NELL1: variants seen among roughly 807,000 people sequenced by gnomAD.
NELL1 encodes the protein protein kinase C-binding protein NELL1.
In NELL1, 76 loss-of-function variants were observed where a neutral mutation model predicts 107.4. That is an observed-to-expected ratio of 0.71 (90% CI 0.59 to 0.86). The LOEUF is 0.86. Among genes scored for constraint, NELL1 ranks in the 40% least tolerant of loss-of-function variants. The pLI, the probability that NELL1 is intolerant of heterozygous loss-of-function variation, is 0.00. For synonymous variants in NELL1, 353 were observed against 341.2 expected (o/e 1.03, Z -0.38); for missense variants, 1,024 against 1,005.5 (o/e 1.02, Z -0.25).
chr11:20,779,369 C>T (rs942539723), intron 2 of NELL1, among the ~76,000 whole-genome samples: 8 of 152,328 alleles, frequency 5.3e-5, no homozygotes, highest in South Asian at 4.1e-4. Flanking sequence ...TTATGTTCCA[C>T]GTATTCAATC....
chr11:21,338,855 A>G (rs1033316391), intron 14 of NELL1, among the ~76,000 whole-genome samples: 3 of 152,306 alleles, frequency 2.0e-5, no homozygotes, highest in South Asian at 4.1e-4. Context: ...TCAGTGATCC[A>G]GGGATGGGCT....
chr11:21,239,031 A>G (rs1365196838), intron 14 of NELL1, among the ~76,000 whole-genome samples: 1 of 152,094 alleles, frequency 6.6e-6, no homozygotes, highest in African/African-American at 2.4e-5. Flanking sequence ...TAAATGAGAT[A>G]ATACACTTAT....
chr11:21,416,287 A>C (rs757124974), intron 15 of NELL1, among the ~76,000 whole-genome samples: 2 of 152,082 alleles, frequency 1.3e-5, no homozygotes, highest in African/African-American at 4.8e-5. Flanking sequence ...GTGCTAAATT[A>C]AATACTACCT....
intron 14 of NELL1, among the ~76,000 whole-genome samples, chr11:21,253,620 C>T (rs75408476): frequency 1.7e-3 from 255 of 152,214 alleles, no homozygotes; most frequent in African/African-American, 5.8e-3. Flanking sequence ...ATTAATCCAA[C>T]TTGTGATACT....
intron 12 of NELL1, among the ~76,000 whole-genome samples, chr11:21,016,474 A>G (rs10500889): frequency 0.058 from 8,754 of 152,046 alleles, 867 homozygotes; most frequent in African/African-American, 0.2. Flanking sequence ...CTCTTTCTCC[A>G]TTCTTACCCA....
chr11:21,493,696 T>A (rs1402719143), intron 15 of NELL1, among the ~76,000 whole-genome samples: 1 of 151,966 alleles, frequency 6.6e-6, no homozygotes, highest in Non-Finnish European at 1.5e-5. Context: ...GCAGATAGGG[T>A]GACTATAGTT....
intron 1 of NELL1, among the ~76,000 whole-genome samples, chr11:20,676,932 C>A (rs1854073534): frequency 6.6e-6 from 1 of 152,114 alleles, no homozygotes; most frequent in South Asian, 2.1e-4. Context: ...TTAAACATAG[C>A]CCCTTAGAGT....
chr11:21,459,308 A>T (rs1256350174), intron 15 of NELL1, among the ~76,000 whole-genome samples: 1 of 150,890 alleles, frequency 6.6e-6, no homozygotes, highest in Non-Finnish European at 1.5e-5. Flanking sequence ...GTTCAGGAGA[A>T]AAAAAGAGAG....
chr11:21,138,737 CA>C (rs1400324960), intron 13 of NELL1, among the ~76,000 whole-genome samples: 1 of 152,028 alleles, frequency 6.6e-6, no homozygotes, highest in Non-Finnish European at 1.5e-5. Flanking sequence ...CTTGATTGTT[CA>C]AATAACAATC....
chr11:21,436,986 G>T (rs1000186749), intron 15 of NELL1, among the ~76,000 whole-genome samples: 5 of 152,040 alleles, frequency 3.3e-5, no homozygotes, highest in African/African-American at 4.8e-5. Flanking sequence ...TACTTGATAT[G>T]ATTTAAATTT....
chr11:21,266,895 T>A (rs1034149054), intron 14 of NELL1, among the ~76,000 whole-genome samples: 4 of 152,156 alleles, frequency 2.6e-5, no homozygotes, highest in Non-Finnish European at 5.9e-5. Flanking sequence ...GCATTTATTT[T>A]TCAATAGTGT....
chr11:21,098,752 C>G (rs1854718717), intron 12 of NELL1, among the ~76,000 whole-genome samples: 1 of 152,064 alleles, frequency 6.6e-6, no homozygotes, highest in Non-Finnish European at 1.5e-5. Flanking sequence ...CCCAGTAAAA[C>G]TTTTTAGATC....
At chr11:20,945,514 G>A (rs927517236) in intron 10 of NELL1, among the ~76,000 whole-genome samples, 5 of 152,188 alleles carry the variant, frequency 3.3e-5, no homozygotes, top group African/African-American at 7.2e-5. Flanking sequence ...CTAGAGGTGC[G>A]CACATAGAGC....
chr11:21,128,688 GA>G (rs1855545637), intron 13 of NELL1, among the ~76,000 whole-genome samples: 1 of 152,190 alleles, frequency 6.6e-6, no homozygotes, highest in Non-Finnish European at 1.5e-5. Context: ...ATCAGTGTGA[GA>G]GGGGGATGAA....
chr11:21,305,315 G>A (rs978526780), intron 14 of NELL1, among the ~76,000 whole-genome samples: 4 of 151,960 alleles, frequency 2.6e-5, no homozygotes, highest in African/African-American at 9.7e-5. Context: ...CTTATTTATG[G>A]TAATTGAATT....
chr11:21,187,614 C>T (rs993600207), intron 13 of NELL1, among the ~76,000 whole-genome samples: 15 of 151,674 alleles, frequency 9.9e-5, no homozygotes, highest in African/African-American at 3.7e-4. Flanking sequence ...TATTACTTGT[C>T]TATTATTGTC....
chr11:21,433,183 T>G (rs1853012227), intron 15 of NELL1, among the ~76,000 whole-genome samples: 1 of 152,226 alleles, frequency 6.6e-6, no homozygotes, highest in Admixed American at 6.5e-5. Flanking sequence ...TTCTCTAGGC[T>G]CATCCATATT....
chr11:20,721,105 A>G (rs1855370460), intron 2 of NELL1, among the ~76,000 whole-genome samples: 1 of 150,528 alleles, frequency 6.6e-6, no homozygotes, highest in Non-Finnish European at 1.5e-5. Flanking sequence ...AAATCAGTCT[A>G]GCTTCCAACA....
chr11:21,197,187 A>G (rs1040585748), intron 13 of NELL1, among the ~76,000 whole-genome samples: 8 of 149,780 alleles, frequency 5.3e-5, no homozygotes, highest in African/African-American at 2.0e-4. Context: ...GGTCTTATTT[A>G]ATTCTTAAGC....
Sources: allele counts gnomAD v4.1 joint callset (sites outside exome capture counted in the v4.1 genomes callset), GRCh38; gene constraint gnomAD v4.1.1; transcripts MANE v1.5; gene names NCBI Gene and HGNC (gene_info 2026-07-23, HGNC 2026-07-21).